Variants in PGBD2 observed in about 807,000 individuals in gnomAD.
PGBD2 encodes the protein piggyBac transposable element-derived protein 2.
A neutral mutation model predicts 8.1 loss-of-function variants in PGBD2; 6 were observed. The observed-to-expected ratio is 0.74, with a 90% CI of 0.40 to 1.46. The LOEUF (loss-of-function observed/expected upper bound fraction) is 1.46. PGBD2 is among the 40% of genes most tolerant of loss of function. The pLI is 0.02. For synonymous variants in PGBD2, 318 were observed against 272.2 expected, an observed-to-expected ratio of 1.17 and a Z score of -1.66; for missense variants, 802 against 739.0, an observed-to-expected ratio of 1.09 and a Z score of -0.99.
downstream of PGBD2, among the ~76,000 whole-genome samples, chr1:248,924,825 G>T (rs1370761502): frequency 2.0e-5 from 3 of 152,148 alleles, no homozygotes; most frequent in Non-Finnish European, 2.9e-5. Context: ...CGGCACTGGA[G>T]GTTGGCTCTG....
intron 2 of PGBD2, 82 bp from the exon 3 acceptor site, chr1:248,916,520 A>T: frequency 8.2e-7 from 1 of 1,221,202 alleles, no homozygotes; most frequent in Non-Finnish European, 1.2e-6. Context: ...AGTGTTTTAT[A>T]GTGGGAGCAC....
the PGBD2 span, among the ~76,000 whole-genome samples, chr1:248,881,879 A>G: frequency 6.6e-6 from 1 of 152,226 alleles, no homozygotes; most frequent in East Asian, 1.9e-4. Flanking sequence ...TAGGTTAGAA[A>G]ATTTTAGTTC....
At chr1:248,922,429 C>G (rs1216709003), downstream of PGBD2, among the ~76,000 whole-genome samples, 1 of 152,172 alleles carries the variant, frequency 6.6e-6, no homozygotes, top group Non-Finnish European at 1.5e-5. Context: ...TCCTCTCTTC[C>G]TATTTGAATA....
upstream of PGBD2, chr1:248,906,117 G>T (rs945976224): frequency 1.7e-4 from 26 of 151,996 alleles, no homozygotes; most frequent in Non-Finnish European, 3.2e-4. Flanking sequence ...GCGTTTTCGG[G>T]ATCCCTCTAG....
Position 248,917,102 on chromosome 1 carries a change from G to C in PGBD2, c.518G>C (p.Ser173Thr). 6.2e-7 allele frequency: 1 copy of C among 1,614,034 alleles called. No individual in the cohort carries two copies. Among genetic ancestry groups the C allele is most frequent in the Non-Finnish European group, 8.5e-7 (1 of 1,180,010 alleles). The change falls in exon 3 of 3, where the codon AGT becomes ACT. Residue 173 changes from serine to threonine, a missense_variant. Ser to Thr is a moderately conservative substitution (Grantham distance 58). Transcript: ENST00000329291. ...RYAWQKNVNL[S>T]LTAQELKCVL... ...GCTTGGCAGAAAAATGTCAATTTGAGTCTTACGGCTCAGGAATTGAAGTGT... is the reference window on the plus strand; with the variant it reads ...GCTTGGCAGAAAAATGTCAATTTGACTCTTACGGCTCAGGAATTGAAGTGT...
the PGBD2 span, among the ~76,000 whole-genome samples, chr1:248,892,606 C>G: frequency 6.6e-6 from 1 of 152,156 alleles, no homozygotes; most frequent in African/African-American, 2.4e-5. Flanking sequence ...TGGGACTTAA[C>G]TTCTCCTTTG....
chr1:248,895,844 C>T, the PGBD2 span, among the ~76,000 whole-genome samples: 41 of 151,958 alleles, frequency 2.7e-4, no homozygotes, highest in South Asian at 2.3e-3. Flanking sequence ...CGTGCCACCA[C>T]GCCCAGCTAA....
chr1:248,874,310 G>A, the PGBD2 span, among the ~76,000 whole-genome samples: 10 of 152,152 alleles, frequency 6.6e-5, no homozygotes, highest in African/African-American at 1.7e-4. Context: ...TTCGATTCCC[G>A]GTCAGGAAAG....
chr1:248,925,322 C>T, the PGBD2 span, among the ~76,000 whole-genome samples: 3 of 152,280 alleles, frequency 2.0e-5, no homozygotes, highest in East Asian at 1.9e-4. Flanking sequence ...TATGGAAGGG[C>T]GGGCAGTGGG....
In PGBD2 at chr1:248,917,199, C is replaced by T. The variant is rs377474764; in HGVS notation, c.615C>T (p.Pro205=). The T allele has an allele frequency of 4.2e-5, 67 of 1,613,968 alleles. No homozygotes were observed. Among genetic ancestry groups the T allele is most frequent in the Non-Finnish European group, 5.0e-5 (59 of 1,180,032 alleles). Residue 205 remains proline (P), a synonymous_variant, in exon 3 of 3, where the codon CCC becomes CCT. Coordinates refer to ENST00000329291, the MANE Select transcript of PGBD2 (RefSeq NM_170725.3). ...PRRRMFWETS[P]DSHHHLVADA... Reference sequence around the variant, plus strand: ...GAAGGATGTTCTGGGAAACCTCTCCCGATTCACATCATCATCTTGTGGCTG... The same window carrying T: ...GAAGGATGTTCTGGGAAACCTCTCCTGATTCACATCATCATCTTGTGGCTG...
the PGBD2 span, among the ~76,000 whole-genome samples, chr1:248,928,971 T>C: frequency 7.9e-5 from 12 of 152,354 alleles, no homozygotes; most frequent in African/African-American, 9.6e-5. Context: ...CTCTAGACCA[T>C]CAGTTCTAAC....
chr1:248,905,219 C>A (rs1445312232), upstream of PGBD2, among the ~76,000 whole-genome samples: 2 of 152,186 alleles, frequency 1.3e-5, no homozygotes, highest in Non-Finnish European at 2.9e-5. Flanking sequence ...TTTTGGAACA[C>A]ACTTTACAGT....
the PGBD2 span, among the ~76,000 whole-genome samples, chr1:248,898,022 G>A: frequency 6.6e-6 from 1 of 151,648 alleles, no homozygotes; most frequent in African/African-American, 2.4e-5. Flanking sequence ...TCACTGGGTG[G>A]GGCCTCCCTG....
chr1:248,923,316 T>A (rs374421518), downstream of PGBD2, among the ~76,000 whole-genome samples: 43 of 152,360 alleles, frequency 2.8e-4, no homozygotes, highest in African/African-American at 9.9e-4. Flanking sequence ...CCCTATATGC[T>A]TTCTTATTGC....
At chr1:248,898,948 T>G in the PGBD2 span, among the ~76,000 whole-genome samples, 38 of 151,838 alleles carry the variant, frequency 2.5e-4, no homozygotes, top group Non-Finnish European at 5.2e-4. Flanking sequence ...AAAAGCAGGG[T>G]TTTTTTGTAG....
chr1:248,927,509 A>AG, the PGBD2 span, among the ~76,000 whole-genome samples: 1 of 152,238 alleles, frequency 6.6e-6, no homozygotes, highest in South Asian at 2.1e-4. Flanking sequence ...AAATATTTTA[A>AG]GTTTTCCAAG....
the PGBD2 span, among the ~76,000 whole-genome samples, chr1:248,878,580 G>T: frequency 2.0e-5 from 3 of 152,142 alleles, no homozygotes; most frequent in Non-Finnish European, 4.4e-5. Context: ...CAGGTTAAGA[G>T]CTTGTTGGAA....
In PGBD2 at chr1:248,918,432, C is replaced by A. The variant is rs1023906695; in HGVS notation, c.*69C>A. Reference sequence around the variant, plus strand: ...GTTAAATACAGATGGCAGTTGAGCACTTCTGTTTTGTGTTGGAAAAAAGAC... The same window carrying A: ...GTTAAATACAGATGGCAGTTGAGCAATTCTGTTTTGTGTTGGAAAAAAGAC... On this transcript the variant is annotated 3_prime_UTR_variant, in exon 3 of 3. Transcript: ENST00000329291. 68 of 1,452,564 alleles carry A rather than the reference C, an allele frequency of 4.7e-5. 1 individual carries two copies. The South Asian group carries it at 7.3e-4, about 16-fold the overall frequency. The allele number at this position is 1,452,564 out of a possible 1,614,324, so 90.0% of individuals were successfully genotyped here. A position where few individuals can be genotyped will look rare whatever the true frequency, so the allele number is the denominator to read the frequency against.
chr1:248,899,229 G>T, the PGBD2 span, among the ~76,000 whole-genome samples: 7 of 152,070 alleles, frequency 4.6e-5, no homozygotes, highest in African/African-American at 1.7e-4. Flanking sequence ...TTCAGGACCT[G>T]AACTCAGATC....
Sources: allele counts gnomAD v4.1 joint callset (sites outside exome capture counted in the v4.1 genomes callset), GRCh38; gene constraint gnomAD v4.1.1; transcripts MANE v1.5; gene names NCBI Gene and HGNC (gene_info 2026-07-23, HGNC 2026-07-21).